The following PSD3 variants were observed in gnomAD, a reference collection of about 807,000 sequenced individuals.
PSD3 encodes the protein PH and SEC7 domain-containing protein 3.
A neutral mutation model predicts 105.5 loss-of-function variants in PSD3; 49 were observed. That is an observed-to-expected ratio of 0.46 (90% CI 0.37 to 0.59). The LOEUF is 0.59. Among genes scored for constraint, PSD3 ranks in the 20% least tolerant of loss-of-function variants. The pLI is 0.00. For missense variants in PSD3, 1,561 were observed against 1,263.8 expected (o/e 1.24, Z -3.57); for synonymous variants, 557 against 457.8 (o/e 1.22, Z -2.77).
chr8:18,786,812 A>T (rs1327880105), intron 8 of PSD3: 1 of 152,178 alleles, frequency 6.6e-6, no homozygotes, highest in Non-Finnish European at 1.5e-5. Flanking sequence ...TGTTGATTGT[A>T]CTCCTCTGAC....
chr8:19,078,781 G>C (rs766075654), intron 1 of PSD3, among the ~76,000 whole-genome samples: 2 of 151,888 alleles, frequency 1.3e-5, no homozygotes, highest in African/African-American at 4.8e-5. Flanking sequence ...TCTAAAGAAA[G>C]AGATGTAAAC....
chr8:18,806,425 G>A (rs1009879086), intron 4 of PSD3, among the ~76,000 whole-genome samples: 2 of 152,240 alleles, frequency 1.3e-5, no homozygotes, highest in East Asian at 3.9e-4. Flanking sequence ...AGGTATAGAG[G>A]GTTCTCTTGT....
intron 1 of PSD3, among the ~76,000 whole-genome samples, chr8:19,081,835 C>T (rs1829655319): frequency 6.6e-6 from 1 of 152,138 alleles, no homozygotes; most frequent in Non-Finnish European, 1.5e-5. Flanking sequence ...TCCAAATTGA[C>T]ACTAGGACCT....
At chr8:18,859,011 G>A (rs76018624) in intron 4 of PSD3, among the ~76,000 whole-genome samples, 2 of 152,116 alleles carry the variant, frequency 1.3e-5, no homozygotes, top group African/African-American at 2.4e-5. Context: ...AGATCCATCA[G>A]AGGAATCACT....
At chr8:18,766,377 T>C (rs954862021) in intron 8 of PSD3, among the ~76,000 whole-genome samples, 7 of 152,164 alleles carry the variant, frequency 4.6e-5, no homozygotes, top group African/African-American at 1.7e-4. Flanking sequence ...TACACATACA[T>C]ACAATTTTAC....
intron 2 of PSD3, among the ~76,000 whole-genome samples, chr8:18,904,612 C>T (rs1481475811): frequency 1.3e-5 from 2 of 152,186 alleles, no homozygotes; most frequent in Admixed American, 1.3e-4. Flanking sequence ...ACCATTGTAT[C>T]TTGGAAGTAA....
intron 12 of PSD3, among the ~76,000 whole-genome samples, chr8:18,589,444 G>A (rs1803437371): frequency 6.6e-6 from 1 of 152,138 alleles, no homozygotes; most frequent in Non-Finnish European, 1.5e-5. Context: ...AAGAGATCAT[G>A]GTCTAAGGTG....
chr8:18,629,410 C>A (rs866825856), intron 11 of PSD3, among the ~76,000 whole-genome samples: 1 of 151,994 alleles, frequency 6.6e-6, no homozygotes, highest in East Asian at 1.9e-4. Context: ...ATGTGAATGT[C>A]CATAGGGGCT....
At chr8:18,845,149 A>T (rs547386285) in intron 4 of PSD3, among the ~76,000 whole-genome samples, 1 of 152,360 alleles carries the variant, frequency 6.6e-6, no homozygotes, top group African/African-American at 2.4e-5. Flanking sequence ...TTTGAAAGTA[A>T]AAAGAATATT....
chr8:18,691,249 AT>A (rs973292276), intron 9 of PSD3, among the ~76,000 whole-genome samples: 1 of 152,258 alleles, frequency 6.6e-6, no homozygotes, highest in African/African-American at 2.4e-5. Context: ...AAAAAACCTC[AT>A]TTTTTCCCCC....
intron 1 of PSD3, among the ~76,000 whole-genome samples, chr8:19,013,157 CTCAAT>C (rs891120708): frequency 3.3e-5 from 5 of 152,060 alleles, no homozygotes; most frequent in Admixed American, 3.3e-4. Flanking sequence ...CGTTTGCTCG[CTCAAT>C]TCAAGTTTGT....
chr8:18,808,718 C>A lies in PSD3; in HGVS notation c.1635-3820G>T. 1.9e-6 allele frequency: 3 copies of A among 1,613,802 alleles called. No individual in the cohort carries two copies. In the Admixed American group the frequency reaches 5.0e-5, roughly 27 times the overall value. On this transcript the variant is annotated intron_variant, in intron 4 of 15. Transcript: ENST00000327040. ...AGAACCGGAATTGCTCCTTTTAAAT[C>A]AGAAAGCTTGACAATATGATGGCAA...
intron 1 of PSD3, among the ~76,000 whole-genome samples, chr8:18,944,453 C>T (rs1338666790): frequency 6.6e-6 from 1 of 152,044 alleles, no homozygotes; most frequent in Non-Finnish European, 1.5e-5. Flanking sequence ...TGCCTGTAAT[C>T]CCAGCTACTT....
chr8:18,840,617 T>A (rs1350589634), intron 4 of PSD3, among the ~76,000 whole-genome samples: 1 of 152,184 alleles, frequency 6.6e-6, no homozygotes, highest in African/African-American at 2.4e-5. Flanking sequence ...ACCTGGCAGA[T>A]GAGGAAAACA....
intron 9 of PSD3, chr8:18,684,164 G>A: frequency 2.4e-5 from 8 of 327,170 alleles, no homozygotes; most frequent in Middle Eastern, 8.8e-4. Flanking sequence ...CTGCAAAGAG[G>A]AAAAAAATGC....
intron 9 of PSD3, among the ~76,000 whole-genome samples, chr8:18,729,158 T>C (rs543591462): frequency 1.3e-5 from 2 of 152,344 alleles, no homozygotes; most frequent in African/African-American, 4.8e-5. Flanking sequence ...AAGAACCTTA[T>C]GTCCCTTTCA....
chr8:19,035,531 A>G (rs1356747532), intron 1 of PSD3, among the ~76,000 whole-genome samples: 3 of 152,072 alleles, frequency 2.0e-5, no homozygotes, highest in East Asian at 3.9e-4. Context: ...AAACAACAAA[A>G]TTGTCTAGTC....
At chr8:19,001,116 A>G (rs895525456) in intron 1 of PSD3, among the ~76,000 whole-genome samples, 2 of 150,140 alleles carry the variant, frequency 1.3e-5, no homozygotes, top group South Asian at 2.1e-4. Context: ...TTTTTTTTAG[A>G]TAAGATCTTG....
intron 9 of PSD3, among the ~76,000 whole-genome samples, chr8:18,672,747 A>C (rs1799853436): frequency 1.3e-5 from 2 of 152,224 alleles, no homozygotes; most frequent in Admixed American, 1.3e-4. Flanking sequence ...TATAGACTAA[A>C]ACTGTGACAG....
Sources: allele counts gnomAD v4.1 joint callset (sites outside exome capture counted in the v4.1 genomes callset), GRCh38; gene constraint gnomAD v4.1.1; transcripts MANE v1.5; gene names NCBI Gene and HGNC (gene_info 2026-07-23, HGNC 2026-07-21).